Variants in GSPT1 observed in about 807,000 individuals in gnomAD.
The protein encoded by GSPT1 is G1 to S phase transition 1, also known as eukaryotic peptide chain release factor GTP-binding subunit ERF3A.
GSPT1 carries 20 observed loss-of-function variants against 72.5 expected under a neutral mutation model. The ratio of observed to expected loss-of-function variants is 0.28; its 90% CI spans 0.19 to 0.40. The LOEUF (loss-of-function observed/expected upper bound fraction) is 0.40, where lower values mean the gene tolerates loss of function less well. Ranked by LOEUF, GSPT1 falls within the 10% of genes least tolerant of loss-of-function variation. The probability of loss-of-function intolerance (pLI) is 1.00; values close to 1 mark genes in which losing one functional copy is unlikely to be tolerated. For missense variants in GSPT1, 580 were observed against 811.9 expected, an observed-to-expected ratio of 0.71 and a Z score of 3.47; for synonymous variants, 334 against 293.5, an observed-to-expected ratio of 1.14 and a Z score of -1.41.
At chr16:11,900,524 T>C (rs914573486) in intron 1 of GSPT1, among the ~76,000 whole-genome samples, 3 of 151,998 alleles carry the variant, frequency 2.0e-5, no homozygotes, top group African/African-American at 4.8e-5. Flanking sequence ...CCAAAAGCCT[T>C]AGGAAACAGA....
At chr16:11,902,073 G>A (rs1212819972) in intron 1 of GSPT1, among the ~76,000 whole-genome samples, 1 of 140,324 alleles carries the variant, frequency 7.1e-6, no homozygotes, top group Admixed American at 7.3e-5. Flanking sequence ...TGGGCAACAA[G>A]AGCGAAACTC....
rs1455336469 is a variant in GSPT1, at chr16:11,877,695, C to G, written c.1429-115G>C. On this transcript the variant is annotated intron_variant, in intron 11 of 14. Coordinates refer to ENST00000434724, the MANE Select transcript of GSPT1 (RefSeq NM_002094.4). The surrounding 1 kb of genome is among the most constrained non-coding windows in gnomAD (Gnocchi z 4.0). ...GAGTTGCAAGATTTGACTGTAAACACTTATGTTTGTATGACATAAAATCTT... is the reference window on the plus strand; with the variant it reads ...GAGTTGCAAGATTTGACTGTAAACAGTTATGTTTGTATGACATAAAATCTT... The G allele has an allele frequency of 2.7e-5, 17 of 634,172 alleles. No individual in the cohort carries two copies. The highest frequency in any genetic ancestry group is 7.9e-6 in the Non-Finnish European group (3 of 379,514). The allele number at this position is 634,172 out of a possible 1,614,324, so 39.3% of individuals were successfully genotyped here.
At chr16:11,914,331 T>G (rs1322365380) in intron 1 of GSPT1, among the ~76,000 whole-genome samples, 1 of 152,162 alleles carries the variant, frequency 6.6e-6, no homozygotes, top group African/African-American at 2.4e-5. Context: ...TGAGAATACA[T>G]AAGTTCACTC....
chr16:11,890,850 C>G (rs556507475), intron 6 of GSPT1: 36 of 360,038 alleles, frequency 1.0e-4, no homozygotes, highest in African/African-American at 7.2e-4. Flanking sequence ...ACAAGTCTAT[C>G]ACCAGATATA....
intron 9 of GSPT1, among the ~76,000 whole-genome samples, chr16:11,886,055 CAT>C (rs1452419858): frequency 1.3e-5 from 2 of 152,130 alleles, no homozygotes; most frequent in African/African-American, 4.8e-5. Flanking sequence ...CAAACCTACA[CAT>C]AGACCTTACA....
intron 11 of GSPT1, among the ~76,000 whole-genome samples, chr16:11,879,750 A>AC (rs1319375801): frequency 1.3e-5 from 2 of 151,816 alleles, no homozygotes; most frequent in Non-Finnish European, 2.9e-5. Flanking sequence ...AAAAAAAAAA[A>AC]AAAAACAAAA....
At chr16:11,882,913 C>G (rs8062768) in intron 11 of GSPT1, 102 bp downstream of exon 11, 8 of 708,726 alleles carry the variant, frequency 1.1e-5, no homozygotes, top group Non-Finnish European at 2.0e-5. Flanking sequence ...GCTATGAATG[C>G]GCCACTGTAC....
chr16:11,872,031 T>G lies in GSPT1; in HGVS notation c.*1088A>C, dbSNP rs2053984948. ...GTTCAGATTCTGATGATTCTAAATA[T>G]TTTCATTTAGTTGCTAGGTTGAGAT... is the stretch of plus-strand genomic sequence containing the variant. On this transcript the variant is annotated 3_prime_UTR_variant, in exon 15 of 15. Transcript: ENST00000434724. 6.6e-6 allele frequency: 1 copy of G among 152,210 alleles called. No individual in the cohort carries two copies. The highest frequency in any genetic ancestry group is 1.5e-5 in the Non-Finnish European group (1 of 68,034). 9.4% of individuals were successfully genotyped at this position (152,210 alleles called of 1,614,324 possible).
At chr16:11,887,240 C>G (rs1002140782) in intron 7 of GSPT1, among the ~76,000 whole-genome samples, 1 of 152,014 alleles carries the variant, frequency 6.6e-6, no homozygotes, top group Non-Finnish European at 1.5e-5. Flanking sequence ...GTGAAAAGCG[C>G]AAAATGACTG....
chr16:11,875,603 T>C (rs1033339418), intron 14 of GSPT1, among the ~76,000 whole-genome samples, 158 bp downstream of exon 14: 1 of 152,234 alleles, frequency 6.6e-6, no homozygotes, highest in African/African-American at 2.4e-5. Flanking sequence ...TGGTCAATTC[T>C]GTTCAATACA....
chr16:11,915,593 G>A lies in GSPT1; in HGVS notation c.128C>T (p.Pro43Leu). The A allele has an allele frequency of 6.7e-7, 1 of 1,481,750 alleles. No individual in the cohort carries two copies. Among genetic ancestry groups the A allele is most frequent in the Non-Finnish European group, 8.9e-7 (1 of 1,117,608 alleles). The allele number at this position is 1,481,750 out of a possible 1,614,324, so 91.8% of individuals were successfully genotyped here. Residue 43 changes from proline to leucine, a missense_variant, in exon 1 of 15, where the codon CCT becomes CTT. Transcript: ENST00000434724. ...QADMEAPGPGPCGGGGSLAAA... is the reference protein window; with the variant it reads ...QADMEAPGPGLCGGGGSLAAA... ...CGCCAGGGAGCCGCCGCCGCCGCAAGGGCCCGGCCCGGGGGCTTCCATGTC... is the reference window on the plus strand; with the variant it reads ...CGCCAGGGAGCCGCCGCCGCCGCAAAGGCCCGGCCCGGGGGCTTCCATGTC...
At chr16:11,912,347 C>CA (rs57472965) in intron 1 of GSPT1, among the ~76,000 whole-genome samples, 1,902 of 110,698 alleles carry the variant, frequency 0.017, 23 homozygotes, top group Non-Finnish European at 0.026. Flanking sequence ...GACTCCGTCT[C>CA]AAAAAAAAAA....
rs113541077 is a variant in GSPT1 at position 11,904,102 on chromosome 16, A to C, written c.353-6067T>G. 4.3e-4 allele frequency: 100 copies of C among 231,560 alleles called. 1 individual carries two copies. The highest frequency in any genetic ancestry group is 2.1e-3 in the African/African-American group (92 of 43,532). The allele number at this position is 231,560 out of a possible 1,614,324, so 14.3% of individuals were successfully genotyped here. A position where few individuals can be genotyped will look rare whatever the true frequency, so the allele number is the denominator to read the frequency against. The stretch of plus-strand genomic sequence containing the variant: ...ATCGCAGACGCTTGGCCAGAAGGCC[A>C]CACATCTGAGGTTTTGGCAACACTT... On this transcript the variant is annotated intron_variant, in intron 1 of 14. Transcript: ENST00000434724.
chr16:11,916,243 G>C (rs868680391), upstream of GSPT1, among the ~76,000 whole-genome samples: 1 of 152,216 alleles, frequency 6.6e-6, no homozygotes, highest in African/African-American at 2.4e-5. Flanking sequence ...GCGGAGGTCT[G>C]GTGGCCGCTC....
In GSPT1 at chr16:11,915,406, A is replaced by T; in HGVS notation, c.315T>A (p.Asn105Lys). 3 of 1,507,060 alleles carry T rather than the reference A, an allele frequency of 2.0e-6. No individual in the cohort carries two copies. The highest frequency in any genetic ancestry group is 2.0e-4 in the Middle Eastern group (1 of 4,944). The allele number at this position is 1,507,060 out of a possible 1,614,324, so 93.4% of individuals were successfully genotyped here. ...CCGCGCCGCTGCCGGCTCCGTGGTT[A>T]TTGGCGGCGCCGCCAACTGGGGGTG... ...APPPPVGGAA[N>K]NHGAGSGAGG... The change falls in exon 1 of 15, where the codon AAT (asparagine) becomes AAA (lysine). Residue 105 changes from asparagine to lysine, a missense_variant. Coordinates refer to ENST00000434724, the MANE Select transcript of GSPT1 (RefSeq NM_002094.4).
In GSPT1 at chr16:11,870,936, T is replaced by C. The variant is rs748415164; in HGVS notation, c.*2183A>G. 6.6e-6 allele frequency: 1 copy of C among 152,222 alleles called. No individual in the cohort carries two copies. Among genetic ancestry groups the C allele is most frequent in the Non-Finnish European group, 1.5e-5 (1 of 68,038 alleles). The allele number at this position is 152,222 out of a possible 1,614,324, so 9.4% of individuals were successfully genotyped here. On this transcript the variant is annotated 3_prime_UTR_variant, in exon 15 of 15. Coordinates refer to ENST00000434724, the MANE Select transcript of GSPT1 (RefSeq NM_002094.4). ...AGTGTAAATGTTTTAGTAGCAAACA[T>C]AACTTATTTTTTAAAAATGTGTTCT...
rs1359401717 is a variant in GSPT1, at chr16:11,872,802, T to C, written c.*317A>G. ...ATATGCCTAAGGGGAAAATGAAAAA[T>C]AAAAAAATTCCTGTAGGTTTTCATT... is the stretch of plus-strand genomic sequence containing the variant. On this transcript the variant is annotated 3_prime_UTR_variant, in exon 15 of 15. Transcript: ENST00000434724. 1 of 253,306 alleles carries C rather than the reference T, an allele frequency of 3.9e-6. No homozygotes were observed. Among genetic ancestry groups the C allele is most frequent in the Non-Finnish European group, 7.5e-6 (1 of 134,060 alleles). The allele number at this position is 253,306 out of a possible 1,614,324, so 15.7% of individuals were successfully genotyped here.
At chr16:11,909,985 C>G (rs2054537654) in intron 1 of GSPT1, among the ~76,000 whole-genome samples, 1 of 152,016 alleles carries the variant, frequency 6.6e-6, no homozygotes, top group Non-Finnish European at 1.5e-5. Context: ...ATAGTCCTAG[C>G]TACTCAGGAA....
intron 10 of GSPT1, among the ~76,000 whole-genome samples, chr16:11,883,774 G>A (rs2054154078): frequency 1.3e-5 from 2 of 152,118 alleles, no homozygotes; most frequent in South Asian, 4.2e-4. Context: ...TTAGCTGGGT[G>A]TGGTGGTACC....
Sources: allele counts gnomAD v4.1 joint callset (sites outside exome capture counted in the v4.1 genomes callset), GRCh38; gene constraint gnomAD v4.1.1; non-coding constraint Gnocchi (gnomAD v3.1); transcripts MANE v1.5; gene names NCBI Gene and HGNC (gene_info 2026-07-23, HGNC 2026-07-21).